Variants in LY75 observed in about 807,000 individuals in gnomAD.
The protein encoded by LY75 is lymphocyte antigen 75, also known as C-type lectin domain family 13 member B.
A neutral mutation model predicts 231.7 loss-of-function variants in LY75; 185 were observed. The observed-to-expected ratio is 0.80, with a 90% CI of 0.71 to 0.90. LY75 has a LOEUF of 0.90. Among genes scored for constraint, LY75 ranks in the 40% least tolerant of loss-of-function variants. LY75 has a pLI of 0.00. For synonymous variants in LY75, 668 were observed against 689.0 expected, an observed-to-expected ratio of 0.97 and a Z score of 0.48; for missense variants, 1,947 against 2,050.2, an observed-to-expected ratio of 0.95 and a Z score of 0.97.
chr2:159,817,166 T>C (rs974352613), intron 29 of LY75, 134 bp from the exon 30 acceptor site: 3 of 968,354 alleles, frequency 3.1e-6, no homozygotes, highest in Non-Finnish European at 4.4e-6. Context: ...CAAATGTATA[T>C]TTTATTTTTC....
At chr2:159,853,804 C>T (rs779714450) in intron 18 of LY75, 107 bp from the exon 19 acceptor site, 9 of 1,452,180 alleles carry the variant, frequency 6.2e-6, no homozygotes, top group Admixed American at 1.9e-5. Context: ...AATTTCCAGA[C>T]ATTCCTTACT....
intron 34 of LY75, among the ~76,000 whole-genome samples, chr2:159,806,223 CTG>C (rs1682788763): frequency 6.6e-6 from 1 of 152,132 alleles, no homozygotes; most frequent in African/African-American, 2.4e-5. Context: ...ATTGTAATCT[CTG>C]TGAGAACAGG....
At position 159,819,722 on chromosome 2, in the gene LY75, T is replaced by A. The variant is rs200028955; in HGVS notation, c.4153+4A>T. The A allele has an allele frequency of 4.7e-4, 754 of 1,607,394 alleles. 5 individuals are homozygous for A. The highest frequency in any genetic ancestry group is 8.5e-4 in the Admixed American group (50 of 58,554). On this transcript the variant is annotated splice_donor_region_variant and intron_variant, in intron 29 of 34. Transcript: ENST00000263636. Reference sequence around the variant, plus strand: ...AAGAAAACTCTATATTTTACTATACTTACCCATTTCAATTTTACAAGCAAG... The same window carrying A: ...AAGAAAACTCTATATTTTACTATACATACCCATTTCAATTTTACAAGCAAG...
intron 4 of LY75, among the ~76,000 whole-genome samples, chr2:159,887,211 T>TGACACA (rs756246572): frequency 7.7e-6 from 1 of 129,970 alleles, no homozygotes; most frequent in Non-Finnish European, 1.6e-5. Flanking sequence ...AGAGTGAGAG[T>TGACACA]CACACACACA....
intron 11 of LY75, 84 bp from the exon 12 acceptor site, chr2:159,875,727 C>A: frequency 6.6e-7 from 1 of 1,522,758 alleles, no homozygotes; most frequent in Non-Finnish European, 8.8e-7. Flanking sequence ...TTACTTCAGC[C>A]AAGTTGGGGA....
intron 16 of LY75, among the ~76,000 whole-genome samples, chr2:159,857,188 C>T (rs1331478090): frequency 4.6e-5 from 7 of 152,176 alleles, no homozygotes; most frequent in African/African-American, 1.4e-4. Context: ...AACTGTCTTT[C>T]CCTTACAACT....
At chr2:159,833,116 T>C (rs1683714879) in intron 27 of LY75, among the ~76,000 whole-genome samples, 1 of 149,858 alleles carries the variant, frequency 6.7e-6, no homozygotes, top group Non-Finnish European at 1.5e-5. Flanking sequence ...GTGTGTCATT[T>C]CTTTCCCCCT....
At chr2:159,822,841 C>A (rs1375789190) in intron 28 of LY75, among the ~76,000 whole-genome samples, 2 of 152,144 alleles carry the variant, frequency 1.3e-5, no homozygotes, top group South Asian at 4.1e-4. Context: ...GTCGGGTAGA[C>A]ATCCAGCAAA....
Position 159,803,720 on chromosome 2 carries a change from T to G in LY75, c.*1324A>C, listed in dbSNP as rs1371151401. 1 of 152,224 alleles carries G rather than the reference T, an allele frequency of 6.6e-6. No homozygotes were observed. Among genetic ancestry groups the G allele is most frequent in the Non-Finnish European group, 1.5e-5 (1 of 68,028 alleles). The allele number at this position is 152,224 out of a possible 1,614,324, so 9.4% of individuals were successfully genotyped here. A position where few individuals can be genotyped will look rare whatever the true frequency, so the allele number is the denominator to read the frequency against. On this transcript the variant is annotated 3_prime_UTR_variant, in exon 35 of 35. Transcript: ENST00000263636. Reference sequence around the variant, plus strand: ...AAGACTATAATCTAGGTGTCAAAACTTAAAGTGATAACCACAAAGCAATGT... The same window carrying G: ...AAGACTATAATCTAGGTGTCAAAACGTAAAGTGATAACCACAAAGCAATGT...
intron 2 of LY75, among the ~76,000 whole-genome samples, chr2:159,898,272 G>A (rs1174909710): frequency 4.6e-5 from 7 of 151,918 alleles, no homozygotes; most frequent in Non-Finnish European, 1.0e-4. Context: ...GCACCACTAC[G>A]CCTGACCTTT....
At position 159,878,722 on chromosome 2, in the gene LY75, C is replaced by G; in HGVS notation, c.1516-1G>C. 2 of 1,613,776 alleles carry G rather than the reference C, an allele frequency of 1.2e-6. No homozygotes were observed. The highest frequency in any genetic ancestry group is 4.5e-5 in the East Asian group (2 of 44,860). Reference sequence around the variant, plus strand: ...AGGTTTCTCCATGTCTCTTCCAGCCCTAAGTCAGAGGAAAAATATTGTCAA... The same window carrying G: ...AGGTTTCTCCATGTCTCTTCCAGCCGTAAGTCAGAGGAAAAATATTGTCAA... On this transcript the variant is annotated splice_acceptor_variant, in intron 9 of 34. Coordinates refer to ENST00000263636, the MANE Select transcript of LY75 (RefSeq NM_002349.4). LOFTEE classifies it high-confidence loss of function.
chr2:159,894,102 T>C lies in LY75; in HGVS notation c.467-18A>G. On this transcript the variant is annotated intron_variant, in intron 2 of 34. Transcript: ENST00000263636. ...ATAGATCTCTGGGTTGGAGAGGAAG[T>C]TGGGGAAAAGAGAGTTAAAAACTGG... 6.3e-7 allele frequency: 1 copy of C among 1,576,744 alleles called. No individual in the cohort carries two copies. The highest frequency in any genetic ancestry group is 2.3e-5 in the East Asian group (1 of 43,912).
chr2:159,874,574 G>GTAAATATATATAAAGA (rs1560093701), intron 12 of LY75, among the ~76,000 whole-genome samples: 196 of 9,898 alleles, frequency 0.02, 53 homozygotes, highest in Non-Finnish European at 0.024. Context: ...ATATAAATAT[G>GTAAATATATATAAAGA]TACATATTTT....
intron 21 of LY75, 37 bp downstream of exon 21, chr2:159,852,164 C>T: frequency 1.2e-6 from 2 of 1,605,064 alleles, no homozygotes; most frequent in Non-Finnish European, 1.7e-6. Context: ...AGCATGGAAG[C>T]AATCATTGTT....
In LY75 at chr2:159,805,007, A is replaced by C; in HGVS notation, c.*37T>G. On this transcript the variant is annotated 3_prime_UTR_variant, in exon 35 of 35. Coordinates refer to ENST00000263636, the MANE Select transcript of LY75 (RefSeq NM_002349.4). ...ACATTTTAAGTGACTAATTTCTCATAACACATTAGTGCAAATTAGAAAACT... is the reference window on the plus strand; with the variant it reads ...ACATTTTAAGTGACTAATTTCTCATCACACATTAGTGCAAATTAGAAAACT... 6.5e-7 allele frequency: 1 copy of C among 1,542,636 alleles called. No individual in the cohort carries two copies. The highest frequency in any genetic ancestry group is 8.9e-7 in the Non-Finnish European group (1 of 1,118,440).
At chr2:159,823,533 T>C (rs566930662) in intron 28 of LY75, among the ~76,000 whole-genome samples, 1 of 152,270 alleles carries the variant, frequency 6.6e-6, no homozygotes, top group Non-Finnish European at 1.5e-5. Flanking sequence ...CTTCAGGATA[T>C]TATCTGGGAG....
chr2:159,899,097 T>A, intron 1 of LY75, 38 bp from the exon 2 acceptor site: 1 of 1,584,146 alleles, frequency 6.3e-7, no homozygotes, highest in South Asian at 1.1e-5. Context: ...GATTATGTGG[T>A]TGAAGCGCCT....
At chr2:159,874,626 A>C (rs1216363363) in intron 12 of LY75, among the ~76,000 whole-genome samples, 1 of 15,814 alleles carries the variant, frequency 6.3e-5, no homozygotes, top group African/African-American at 2.8e-4. Context: ...ATATATATAT[A>C]GTAAATATAT....
chr2:159,885,482 T>C (rs1339890581), intron 5 of LY75, among the ~76,000 whole-genome samples, 189 bp from the exon 6 acceptor site: 1 of 152,182 alleles, frequency 6.6e-6, no homozygotes, highest in Admixed American at 6.6e-5. Flanking sequence ...TCTTCTAAAA[T>C]ATAGAATCTA....
Sources: allele counts gnomAD v4.1 joint callset (sites outside exome capture counted in the v4.1 genomes callset), GRCh38; gene constraint gnomAD v4.1.1; transcripts MANE v1.5; gene names NCBI Gene and HGNC (gene_info 2026-07-23, HGNC 2026-07-21).